The following COL23A1 variants were observed in gnomAD, a reference collection of about 807,000 sequenced individuals.
COL23A1 encodes collagen type XXIII alpha 1 chain.
Under a neutral mutation model 99.3 loss-of-function variants are expected in COL23A1, and 97 were observed. The ratio of observed to expected loss-of-function variants is 0.98; its 90% CI spans 0.83 to 1.16. The LOEUF (loss-of-function observed/expected upper bound fraction) is 1.16. Ranked by LOEUF, COL23A1 falls within the 50% of genes most tolerant of loss-of-function variation. The probability of loss-of-function intolerance (pLI) is 0.00; values close to 1 mark genes in which losing one functional copy is unlikely to be tolerated. For missense variants in COL23A1, 762 were observed against 757.4 expected, an observed-to-expected ratio of 1.01 and a Z score of -0.07; for synonymous variants, 320 against 308.2, an observed-to-expected ratio of 1.04 and a Z score of -0.40.
chr5:178,407,879 C>T (rs906510407), intron 2 of COL23A1, among the ~76,000 whole-genome samples: 1 of 151,990 alleles, frequency 6.6e-6, no homozygotes, highest in Non-Finnish European at 1.5e-5. Context: ...CAGCAAGAGT[C>T]CCAAGAGGAG....
chr5:178,570,976 C>G (rs1763063915), intron 1 of COL23A1, among the ~76,000 whole-genome samples: 1 of 152,148 alleles, frequency 6.6e-6, no homozygotes, highest in Admixed American at 6.5e-5. Context: ...GAAAAGGATT[C>G]TAGGGCACCG....
intron 2 of COL23A1, among the ~76,000 whole-genome samples, chr5:178,459,142 TG>T (rs1288272463): frequency 6.6e-6 from 1 of 152,326 alleles, no homozygotes; most frequent in East Asian, 1.9e-4. Flanking sequence ...CAAAGAATCA[TG>T]AAACAGTTGG....
At chr5:178,413,112 G>A (rs1765133552) in intron 2 of COL23A1, among the ~76,000 whole-genome samples, 1 of 152,054 alleles carries the variant, frequency 6.6e-6, no homozygotes, top group Non-Finnish European at 1.5e-5. Context: ...TAGCCCAAAA[G>A]TTCAAAGTTA....
At chr5:178,316,620 A>G (rs1758996687) in intron 2 of COL23A1, among the ~76,000 whole-genome samples, 1 of 152,200 alleles carries the variant, frequency 6.6e-6, no homozygotes, top group African/African-American at 2.4e-5. Context: ...GTAAAGCATG[A>G]ATACATTTTC....
chr5:178,563,662 G>A (rs1049745219), intron 1 of COL23A1, among the ~76,000 whole-genome samples: 1 of 150,080 alleles, frequency 6.7e-6, no homozygotes, highest in Non-Finnish European at 1.5e-5. Context: ...CTCCTGAGTA[G>A]CTGAGTATAC....
At chr5:178,379,129 A>C (rs139831310) in intron 2 of COL23A1, among the ~76,000 whole-genome samples, 2,477 of 152,292 alleles carry the variant, frequency 0.016, 40 homozygotes, top group Admixed American at 0.028. Context: ...GGGTTTGGCT[A>C]ACAGATTGTG....
At chr5:178,431,093 T>C (rs530217304) in intron 2 of COL23A1, among the ~76,000 whole-genome samples, 3 of 151,796 alleles carry the variant, frequency 2.0e-5, no homozygotes, top group African/African-American at 7.2e-5. Flanking sequence ...AGCAAAGACA[T>C]AGAGGGAGCA....
In COL23A1 at chr5:178,430,140, G is replaced by A. The variant is rs1448850240; in HGVS notation, c.362-123221C>T. 3.3e-5 allele frequency among the ~76,000 whole-genome samples: 5 copies of A among 152,250 alleles called. No individual in the cohort carries two copies. The Middle Eastern group carries it at 0.01, about 311-fold the overall frequency. ...CTTTTAAGAGCACCAGAAACTTCTG[G>A]GTGGAACTGTCACTTCGAGACCTTA... On this transcript the variant is annotated intron_variant, in intron 2 of 28. Coordinates refer to ENST00000390654, the MANE Select transcript of COL23A1 (RefSeq NM_173465.4).
At chr5:178,248,322 T>C in intron 19 of COL23A1, 68 bp from the exon 20 acceptor site, 2 of 1,240,288 alleles carry the variant, frequency 1.6e-6, no homozygotes, top group Non-Finnish European at 2.3e-6. Context: ...CGGTGCTTAG[T>C]GACCTCCCTT....
intron 2 of COL23A1, among the ~76,000 whole-genome samples, chr5:178,379,773 A>G (rs1581265228): frequency 6.6e-6 from 1 of 151,806 alleles, no homozygotes; most frequent in East Asian, 2.0e-4. Flanking sequence ...CCCAGCTACT[A>G]GGGAGGTTGA....
In COL23A1 at chr5:178,255,790, C is replaced by A; in HGVS notation, c.882+563G>T. 2.7e-6 allele frequency: 1 copy of A among 371,104 alleles called. No homozygotes were observed. Among genetic ancestry groups the A allele is most frequent in the Non-Finnish European group, 5.6e-6 (1 of 178,394 alleles). 23.0% of individuals were successfully genotyped at this position (371,104 alleles called of 1,614,324 possible). A position where few individuals can be genotyped will look rare whatever the true frequency, so the allele number is the denominator to read the frequency against. On this transcript the variant is annotated intron_variant, in intron 15 of 28. Coordinates refer to ENST00000390654, the MANE Select transcript of COL23A1 (RefSeq NM_173465.4). This position sits in a 1 kb window ranked among gnomAD's most constrained non-coding sequence, Gnocchi z 4.2. Reference sequence around the variant, plus strand: ...ACCCCCTCCCGCTCCCCACCACCTGCACAGCCAGGCGGGGGCTCAGATCCA... The same window carrying A: ...ACCCCCTCCCGCTCCCCACCACCTGAACAGCCAGGCGGGGGCTCAGATCCA...
intron 2 of COL23A1, among the ~76,000 whole-genome samples, chr5:178,354,767 T>C (rs541505793): frequency 1.0e-3 from 157 of 152,180 alleles, no homozygotes; most frequent in South Asian, 2.3e-3. Context: ...TAAACCCTCT[T>C]TTCTTTAGGT....
chr5:178,463,003 T>G (rs893504267), intron 2 of COL23A1, among the ~76,000 whole-genome samples: 2 of 152,266 alleles, frequency 1.3e-5, no homozygotes, highest in Non-Finnish European at 2.9e-5. Flanking sequence ...TGGCACCATG[T>G]ACCTTACCCA....
chr5:178,446,538 G>GA (rs1408354114), intron 2 of COL23A1, among the ~76,000 whole-genome samples: 1 of 151,694 alleles, frequency 6.6e-6, no homozygotes, highest in Non-Finnish European at 1.5e-5. Context: ...TTCATTAGGA[G>GA]AAAAAATTTT....
chr5:178,318,848 G>A (rs1421814267), intron 2 of COL23A1, among the ~76,000 whole-genome samples: 1 of 150,898 alleles, frequency 6.6e-6, no homozygotes, highest in Non-Finnish European at 1.5e-5. Context: ...GTTGCAGCGA[G>A]CCGAGATTGT....
chr5:178,355,488 C>T (rs1248159631), intron 2 of COL23A1, among the ~76,000 whole-genome samples: 2 of 152,178 alleles, frequency 1.3e-5, no homozygotes, highest in African/African-American at 4.8e-5. Context: ...TCTCGCATTG[C>T]TATAAAGAAC....
intron 2 of COL23A1, among the ~76,000 whole-genome samples, chr5:178,502,470 G>C (rs574580284): frequency 1.3e-5 from 2 of 152,308 alleles, no homozygotes; most frequent in South Asian, 4.1e-4. Context: ...CACAGGATGT[G>C]ACACACATAC....
At chr5:178,442,452 A>G (rs1446944034) in intron 2 of COL23A1, among the ~76,000 whole-genome samples, 5 of 152,196 alleles carry the variant, frequency 3.3e-5, no homozygotes, top group African/African-American at 1.2e-4. Context: ...ACCCCTGAGC[A>G]TGTCAAAAGC....
At chr5:178,329,040 C>CA (rs1364462300) in intron 2 of COL23A1, among the ~76,000 whole-genome samples, 1 of 152,136 alleles carries the variant, frequency 6.6e-6, no homozygotes, top group Non-Finnish European at 1.5e-5. Flanking sequence ...AGCCAACGAG[C>CA]ACTGTCAGCT....
Sources: allele counts gnomAD v4.1 joint callset (sites outside exome capture counted in the v4.1 genomes callset), GRCh38; gene constraint gnomAD v4.1.1; non-coding constraint Gnocchi (gnomAD v3.1); transcripts MANE v1.5; gene names NCBI Gene and HGNC (gene_info 2026-07-23, HGNC 2026-07-21).